Variants in POR observed in about 807,000 individuals in gnomAD.
The protein encoded by POR is NADPH--cytochrome P450 reductase.
POR carries 56 observed loss-of-function variants against 84.0 expected under a neutral mutation model. That is an observed-to-expected ratio of 0.67 (90% CI 0.54 to 0.83). The LOEUF (loss-of-function observed/expected upper bound fraction) is 0.83, where lower values mean the gene tolerates loss of function less well. POR is among the 40% of genes least tolerant of loss of function. POR has a pLI of 0.00. For missense variants in POR, 938 were observed against 944.3 expected (o/e 0.99, Z 0.09); for synonymous variants, 414 against 400.5 (o/e 1.03, Z -0.40).
chr7:75,950,754 G>A (rs1324117614), intron 1 of POR, among the ~76,000 whole-genome samples: 1 of 152,146 alleles, frequency 6.6e-6, no homozygotes, highest in Non-Finnish European at 1.5e-5. Flanking sequence ...AATTCACTTT[G>A]TCCTTTAATG....
chr7:75,940,795 A>G (rs1807942348), intron 1 of POR, among the ~76,000 whole-genome samples: 1 of 147,106 alleles, frequency 6.8e-6, no homozygotes, highest in Admixed American at 6.8e-5. Context: ...AAAAAGAAAA[A>G]AGAAAAAACG....
At chr7:75,960,021 G>C (rs1004570343) in intron 2 of POR, among the ~76,000 whole-genome samples, 1 of 152,012 alleles carries the variant, frequency 6.6e-6, no homozygotes, top group Non-Finnish European at 1.5e-5. Context: ...CAGGTGTGGT[G>C]GCTCACGCCT....
chr7:75,927,246 C>G (rs1410331131), intron 1 of POR, among the ~76,000 whole-genome samples: 1 of 152,174 alleles, frequency 6.6e-6, no homozygotes, highest in Non-Finnish European at 1.5e-5. Context: ...TGGCTCACAC[C>G]TGTAATCCCA....
At chr7:75,941,453 T>G (rs1807975657) in intron 1 of POR, among the ~76,000 whole-genome samples, 1 of 151,980 alleles carries the variant, frequency 6.6e-6, no homozygotes, top group Non-Finnish European at 1.5e-5. Flanking sequence ...TCCTGGGAGG[T>G]CAAGTAACCC....
In POR at chr7:75,933,376, GTT is replaced by G. The variant is rs200575911; in HGVS notation, c.-5+18226_-5+18227del. 5.2e-3 allele frequency among the ~76,000 whole-genome samples: 477 copies of G among 92,082 alleles called. 3 individuals are homozygous for G. Among genetic ancestry groups the G allele is most frequent in the Middle Eastern group, 0.013 (1 of 78 alleles). The allele number at this position is 92,082 out of a possible 152,430, so 60.4% of individuals were successfully genotyped here. A position where few individuals can be genotyped will look rare whatever the true frequency, so the allele number is the denominator to read the frequency against. ...TCACCATGTTATACAATAGGTCTTTGTTTTTTTTTTTTTTTTTTTTTTTTTTT... is the reference window on the plus strand; with the variant it reads ...TCACCATGTTATACAATAGGTCTTTGTTTTTTTTTTTTTTTTTTTTTTTTT... On this transcript the variant is annotated intron_variant, in intron 1 of 15. Coordinates refer to ENST00000461988, the MANE Select transcript of POR (RefSeq NM_000941.3).
At position 75,972,421 on chromosome 7, in the gene POR, C is replaced by G. The variant is rs1554556306; in HGVS notation, c.197C>G (p.Ser66Cys). 1.2e-6 allele frequency: 2 copies of G among 1,610,346 alleles called. No individual in the cohort carries two copies. Among genetic ancestry groups the G allele is most frequent in the Non-Finnish European group, 8.5e-7 (1 of 1,178,428 alleles). Reference sequence around the variant, plus strand: ...ACACTTTTGTCTTGCAGGACCTCCTCTGTCAGAGAGAGCAGCTTTGTGGAA... The same window carrying G: ...ACACTTTTGTCTTGCAGGACCTCCTGTGTCAGAGAGAGCAGCTTTGTGGAA... The change falls in exon 3 of 16, where the codon TCT becomes TGT. Residue 66 changes from serine to cysteine, a missense_variant. Coordinates refer to ENST00000461988, the MANE Select transcript of POR (RefSeq NM_000941.3).
intron 1 of POR, among the ~76,000 whole-genome samples, chr7:75,932,971 G>A (rs1196042032): frequency 2.7e-5 from 4 of 150,290 alleles, no homozygotes; most frequent in Non-Finnish European, 5.9e-5. Flanking sequence ...TGAGCTGAGC[G>A]AGATGGCACC....
intron 3 of POR, 30 bp downstream of exon 3, chr7:75,972,491 CA>C (rs1788487120): frequency 6.4e-7 from 1 of 1,574,726 alleles, no homozygotes; most frequent in African/African-American, 1.3e-5. Context: ...TTACTCTTCT[CA>C]GGAAGCCTCG....
intron 1 of POR, among the ~76,000 whole-genome samples, chr7:75,938,005 C>T (rs565095310): frequency 1.4e-4 from 21 of 152,272 alleles, no homozygotes; most frequent in African/African-American, 4.8e-4. Context: ...GAAGCAGGCA[C>T]GGGGAGCTGC....
chr7:75,980,622 A>C, intron 5 of POR, 134 bp downstream of exon 5: 1 of 1,586,940 alleles, frequency 6.3e-7, no homozygotes, highest in Non-Finnish European at 8.5e-7. Context: ...GCCACTTGTG[A>C]GACCCTCTCC....
At chr7:75,985,517 TG>T in intron 12 of POR, 61 bp from the exon 13 acceptor site, 1 of 1,452,506 alleles carries the variant, frequency 6.9e-7, no homozygotes, top group East Asian at 2.5e-5. Flanking sequence ...GAACGGGACT[TG>T]GGGCCGGGGC....
chr7:75,976,738 ACT>A (rs1554556888), intron 3 of POR, among the ~76,000 whole-genome samples: 2 of 149,798 alleles, frequency 1.3e-5, no homozygotes, highest in African/African-American at 2.4e-5. Flanking sequence ...CAAGAGCAAA[ACT>A]CTGTCTCAAG....
Position 75,981,065 on chromosome 7 carries a change from C to T in POR, c.534C>T (p.Asn178=). The T allele has an allele frequency of 6.3e-7, 1 of 1,576,126 alleles. No individual in the cohort carries two copies. Among genetic ancestry groups the T allele is most frequent in the African/African-American group, 1.3e-5 (1 of 74,192 alleles). ...CCACGCAGGTGTTTGGTCTTGGGAA[C>T]AAGACCTACGAGCACTTCAATGCCA... is the stretch of plus-strand genomic sequence containing the variant. Residue 178 remains asparagine (N), a synonymous_variant, in exon 6 of 16, where the codon AAC becomes AAT. Coordinates refer to ENST00000461988, the MANE Select transcript of POR (RefSeq NM_000941.3).
intron 1 of POR, among the ~76,000 whole-genome samples, chr7:75,921,677 C>T (rs1030399026): frequency 3.9e-5 from 6 of 152,152 alleles, no homozygotes; most frequent in African/African-American, 1.4e-4. Flanking sequence ...TACCACGTTC[C>T]AAGATCTGTC....
chr7:75,921,503 CT>C (rs1554548833), intron 1 of POR, among the ~76,000 whole-genome samples: 1 of 152,090 alleles, frequency 6.6e-6, no homozygotes, highest in Non-Finnish European at 1.5e-5. Context: ...CTCAGGCGAT[CT>C]GCCTGCCTCG....
At chr7:75,939,295 C>T (rs1807846423) in intron 1 of POR, among the ~76,000 whole-genome samples, 4 of 152,250 alleles carry the variant, frequency 2.6e-5, no homozygotes. Flanking sequence ...AGGAGCCTGC[C>T]TGCCTCGCAC....
chr7:75,952,750 T>G (rs1787501140), intron 1 of POR, among the ~76,000 whole-genome samples: 3 of 147,768 alleles, frequency 2.0e-5, no homozygotes, highest in Admixed American at 6.7e-5. Flanking sequence ...CGCTCCTCAC[T>G]TCCTAGATGG....
chr7:75,962,132 A>G (rs1270350192), intron 2 of POR, among the ~76,000 whole-genome samples: 2 of 152,220 alleles, frequency 1.3e-5, no homozygotes. Context: ...GACAACATTT[A>G]TTCATAGTTC....
At chr7:75,936,947 C>T (rs1807721133) in intron 1 of POR, among the ~76,000 whole-genome samples, 1 of 151,272 alleles carries the variant, frequency 6.6e-6, no homozygotes, top group South Asian at 2.1e-4. Flanking sequence ...CTGCCTCAGC[C>T]TCCCAAGTAG....
Sources: gnomAD v4.1 joint callset for allele counts (sites outside exome capture counted in the v4.1 genomes callset) on GRCh38, gnomAD v4.1.1 for gene constraint, MANE v1.5 for transcripts, NCBI Gene and HGNC (gene_info 2026-07-23, HGNC 2026-07-21) for gene names.